SH3BGRL2: variants seen among roughly 807,000 people sequenced by gnomAD.
SH3BGRL2 encodes SH3 domain binding glutamate rich protein like 2, also known as SH3 domain-binding glutamic acid-rich-like protein 2.
SH3BGRL2 carries 21 observed loss-of-function variants against 14.8 expected under a neutral mutation model. That is an observed-to-expected ratio of 1.42 (90% CI 1.01 to 2.05). The LOEUF is 2.05. Ranked by LOEUF, SH3BGRL2 falls within the 30% of genes most tolerant of loss-of-function variation. The probability of loss-of-function intolerance (pLI) is 0.00; values close to 1 mark genes in which losing one functional copy is unlikely to be tolerated. For synonymous variants in SH3BGRL2, 50 were observed against 47.8 expected (o/e 1.05, Z -0.19); for missense variants, 147 against 130.8 (o/e 1.12, Z -0.61).
At chr6:79,632,716 GT>G (rs1056552572) in intron 1 of SH3BGRL2, among the ~76,000 whole-genome samples, 43 of 152,326 alleles carry the variant, frequency 2.8e-4, no homozygotes, top group African/African-American at 9.9e-4. Context: ...GTGCAGTCAT[GT>G]TGGGGTCCTC....
rs765457032 is a variant in SH3BGRL2 at position 79,673,626 on chromosome 6, C to T, written c.58C>T (p.Gln20Ter). ...CTTCTCTCTTTAGATAAAGAAGAAG[C>T]AGCAAGATGTGGTTAGATTTCTGGA... ...SSGFVAIKKK[Q>*]QDVVRFLEAN... Residue 20 changes from glutamine (Q) to a stop codon, truncating the protein, a stop_gained, in exon 2 of 4, where the codon CAG (glutamine) becomes TAG (stop). Transcript: ENST00000369838. LOFTEE classifies it high-confidence loss of function. 1.2e-6 allele frequency: 2 copies of T among 1,613,694 alleles called. No homozygotes were observed. The highest frequency in any genetic ancestry group is 1.7e-6 in the Non-Finnish European group (2 of 1,179,866).
the SH3BGRL2 span, among the ~76,000 whole-genome samples, chr6:79,555,596 C>A: frequency 6.6e-6 from 1 of 152,100 alleles, no homozygotes; most frequent in Non-Finnish European, 1.5e-5. Context: ...CTGAAACCTC[C>A]GCCTCCCGGG....
chr6:79,542,078 A>G, the SH3BGRL2 span, among the ~76,000 whole-genome samples: 2 of 152,102 alleles, frequency 1.3e-5, no homozygotes, highest in Non-Finnish European at 2.9e-5. Flanking sequence ...CCCACTAGGC[A>G]AGATACCAGG....
the SH3BGRL2 span, among the ~76,000 whole-genome samples, chr6:79,546,393 A>G: frequency 6.6e-6 from 1 of 152,118 alleles, no homozygotes; most frequent in African/African-American, 2.4e-5. Context: ...AAAGAGCCAT[A>G]AATAATTAGG....
At chr6:79,638,115 G>A (rs1768962088) in intron 1 of SH3BGRL2, among the ~76,000 whole-genome samples, 1 of 152,070 alleles carries the variant, frequency 6.6e-6, no homozygotes. Flanking sequence ...ATTTCTTTGT[G>A]TTGGGAATAT....
At chr6:79,667,398 C>T (rs1459221815) in intron 1 of SH3BGRL2, among the ~76,000 whole-genome samples, 1 of 151,522 alleles carries the variant, frequency 6.6e-6, no homozygotes, top group Non-Finnish European at 1.5e-5. Context: ...ATGGATGGAG[C>T]AACCTTTAGG....
At chr6:79,677,071 T>C (rs575584622) in intron 2 of SH3BGRL2, among the ~76,000 whole-genome samples, 4 of 152,274 alleles carry the variant, frequency 2.6e-5, no homozygotes, top group African/African-American at 9.6e-5. Context: ...TCGGCTCTTA[T>C]CAAGGTTAGG....
chr6:79,660,648 C>T (rs1769525451), intron 1 of SH3BGRL2, among the ~76,000 whole-genome samples: 1 of 152,058 alleles, frequency 6.6e-6, no homozygotes, highest in Non-Finnish European at 1.5e-5. Context: ...ATGATGCTGG[C>T]CTCATAAAAT....
the SH3BGRL2 span, among the ~76,000 whole-genome samples, chr6:79,549,906 T>C: frequency 6.6e-6 from 1 of 152,176 alleles, no homozygotes; most frequent in Non-Finnish European, 1.5e-5. Flanking sequence ...TAAGGAGAGT[T>C]TTACACAGAC....
chr6:79,658,920 G>A (rs1314214487), intron 1 of SH3BGRL2, among the ~76,000 whole-genome samples: 6 of 152,116 alleles, frequency 3.9e-5, no homozygotes, highest in East Asian at 1.9e-4. Flanking sequence ...TCATGTGTCC[G>A]TTGGCTGCAT....
At chr6:79,641,168 GTGTGTGTGTGTGTGTGTGTGTGTGT>G (rs1562145073) in intron 1 of SH3BGRL2, among the ~76,000 whole-genome samples, 14 of 151,348 alleles carry the variant, frequency 9.3e-5, no homozygotes, top group African/African-American at 3.4e-4. Context: ...GTGTGTGTGT[GTGTGTGTGTGTGTGTGTGTGTGTGT>G]GTGGTTTGTT....
At chr6:79,618,922 A>AAAAAAAAAAAAAAAAAAAAAAAAAAT in the SH3BGRL2 span, among the ~76,000 whole-genome samples, 1 of 150,260 alleles carries the variant, frequency 6.7e-6, no homozygotes, top group Non-Finnish European at 1.5e-5. Flanking sequence ...GTCAAAAAAA[A>AAAAAAAAAAAAAAAAAAAAAAAAAAT]AAAAGATAAA....
At chr6:79,546,602 G>C in the SH3BGRL2 span, among the ~76,000 whole-genome samples, 1 of 152,126 alleles carries the variant, frequency 6.6e-6, no homozygotes, top group East Asian at 1.9e-4. Flanking sequence ...GGGGCTAAGA[G>C]TAGGAAGTAC....
intron 1 of SH3BGRL2, among the ~76,000 whole-genome samples, chr6:79,639,918 A>C (rs940463292): frequency 2.6e-5 from 4 of 152,168 alleles, no homozygotes; most frequent in Admixed American, 2.6e-4. Context: ...TAGCCTTAAA[A>C]ATTTAGTGAA....
the SH3BGRL2 span, among the ~76,000 whole-genome samples, chr6:79,539,286 A>G: frequency 6.6e-6 from 1 of 152,228 alleles, no homozygotes; most frequent in Admixed American, 6.5e-5. Flanking sequence ...ATGGTTTTAT[A>G]TATTATTTTT....
At chr6:79,652,704 G>C (rs1197485245) in intron 1 of SH3BGRL2, among the ~76,000 whole-genome samples, 2 of 152,008 alleles carry the variant, frequency 1.3e-5, no homozygotes, top group Admixed American at 6.6e-5. Context: ...CAGTAAGGAG[G>C]GGGGACCCAG....
At chr6:79,626,235 T>G in the SH3BGRL2 span, among the ~76,000 whole-genome samples, 2 of 152,100 alleles carry the variant, frequency 1.3e-5, no homozygotes, top group Non-Finnish European at 2.9e-5. Context: ...CTGGGCAACA[T>G]AGCAACACTC....
the SH3BGRL2 span, among the ~76,000 whole-genome samples, chr6:79,546,577 A>G: frequency 6.6e-6 from 1 of 152,176 alleles, no homozygotes; most frequent in Non-Finnish European, 1.5e-5. Context: ...TCGTTCTCCC[A>G]AGGAGAGAGT....
chr6:79,586,196 C>CAA, the SH3BGRL2 span, among the ~76,000 whole-genome samples: 2 of 50,832 alleles, frequency 3.9e-5, no homozygotes, highest in East Asian at 7.3e-4. Flanking sequence ...AACTCTGTCT[C>CAA]AAAAAAAAAA....
Sources: gnomAD v4.1 joint callset for allele counts (sites outside exome capture counted in the v4.1 genomes callset) on GRCh38, gnomAD v4.1.1 for gene constraint, MANE v1.5 for transcripts, NCBI Gene and HGNC (gene_info 2026-07-23, HGNC 2026-07-21) for gene names.